The following YEATS2 variants were observed in gnomAD, a reference collection of about 807,000 sequenced individuals.
YEATS2 encodes the protein YEATS domain-containing protein 2.
Under a neutral mutation model 163.2 loss-of-function variants are expected in YEATS2, and 77 were observed. That is an observed-to-expected ratio of 0.47 (90% CI 0.39 to 0.57). The LOEUF is 0.57. Ranked by LOEUF, YEATS2 falls within the 20% of genes least tolerant of loss-of-function variation. The pLI is 0.00. For synonymous variants in YEATS2, 631 were observed against 645.1 expected, an observed-to-expected ratio of 0.98 and a Z score of 0.33; for missense variants, 1,549 against 1,729.8, an observed-to-expected ratio of 0.90 and a Z score of 1.85.
chr3:183,705,639 C>T (rs1036673928), intron 1 of YEATS2, among the ~76,000 whole-genome samples: 1 of 152,018 alleles, frequency 6.6e-6, no homozygotes, highest in African/African-American at 2.4e-5. Flanking sequence ...GCTAAAGAGC[C>T]TTTAAAGATG....
At chr3:183,803,740 GGA>G in intron 26 of YEATS2, 1 of 532,360 alleles carries the variant, frequency 1.9e-6, no homozygotes. Context: ...GAGGGGAGTG[GGA>G]GAGCGCAGGT....
chr3:183,803,267 A>G lies in YEATS2; in HGVS notation c.3514A>G (p.Ser1172Gly), dbSNP rs372710308. 28 of 1,611,766 alleles carry G rather than the reference A, an allele frequency of 1.7e-5. No homozygotes were observed. Among genetic ancestry groups the G allele is most frequent in the African/African-American group, 5.3e-5 (4 of 74,856 alleles). Reference sequence around the variant, plus strand: ...TGTGTGCATTCTAGGTGAAGATGCCAGCTGCTTTTCTGCAAAGTCTGTGGA... The same window carrying G: ...TGTGTGCATTCTAGGTGAAGATGCCGGCTGCTTTTCTGCAAAGTCTGTGGA... ...PLITAKSEDA[S>G]CFSAKSVEQY... Residue 1172 changes from serine (S) to glycine (G), a missense_variant, in exon 26 of 31, where the codon AGC (serine) becomes GGC (glycine). Coordinates refer to ENST00000305135, the MANE Select transcript of YEATS2 (RefSeq NM_018023.5).
intron 4 of YEATS2, among the ~76,000 whole-genome samples, 195 bp downstream of exon 4, chr3:183,718,787 C>G (rs878961514): frequency 6.6e-6 from 1 of 152,166 alleles, no homozygotes; most frequent in South Asian, 2.1e-4. Flanking sequence ...CTCTGCCTCC[C>G]AAGTTCAGGC....
chr3:183,719,056 A>G (rs1716219160), intron 4 of YEATS2, among the ~76,000 whole-genome samples: 2 of 151,870 alleles, frequency 1.3e-5, no homozygotes, highest in Admixed American at 6.6e-5. Context: ...CTGGGAATAT[A>G]CATAGACTAT....
intron 15 of YEATS2, among the ~76,000 whole-genome samples, chr3:183,767,072 C>T (rs944211782): frequency 6.6e-6 from 1 of 152,188 alleles, no homozygotes; most frequent in Non-Finnish European, 1.5e-5. Flanking sequence ...TAATCAGCTG[C>T]AGAGTTTTTC....
chr3:183,797,544 C>CAATA (rs111590921), intron 21 of YEATS2, among the ~76,000 whole-genome samples: 29,968 of 142,776 alleles, frequency 0.21, 3,638 homozygotes, highest in African/African-American at 0.32. Context: ...GTCTCTAACA[C>CAATA]AATAAATAAA....
At chr3:183,698,279 C>T (rs1343252148) in intron 1 of YEATS2, among the ~76,000 whole-genome samples, 1 of 152,210 alleles carries the variant, frequency 6.6e-6, no homozygotes, top group East Asian at 1.9e-4. Context: ...GCCACAGCGG[C>T]CGGAGCTTTT....
chr3:183,730,052 GTTTTTTTTTTT>G lies in YEATS2; in HGVS notation c.812+1226_812+1236del, dbSNP rs869091775. 1.2e-3 allele frequency among the ~76,000 whole-genome samples: 48 copies of G among 41,704 alleles called. 1 individual carries two copies. Among genetic ancestry groups the G allele is most frequent in the Admixed American group, 2.1e-3 (5 of 2,340 alleles). 27.4% of individuals were successfully genotyped at this position (41,704 alleles called of 152,430 possible). On this transcript the variant is annotated intron_variant, in intron 7 of 30. Coordinates refer to ENST00000305135, the MANE Select transcript of YEATS2 (RefSeq NM_018023.5). Reference sequence around the variant, plus strand: ...ATATTAATTGTGTGGTTTTTTGTTTGTTTTTTTTTTTTTTTTTTTTTTTTTTTTTTTTTTTG... The same window carrying G: ...ATATTAATTGTGTGGTTTTTTGTTTGTTTTTTTTTTTTTTTTTTTTTTTTG...
intron 10 of YEATS2, 98 bp downstream of exon 10, chr3:183,752,351 A>G (rs1194731615): frequency 1.1e-5 from 16 of 1,395,804 alleles, no homozygotes; most frequent in Middle Eastern, 4.7e-4. Context: ...TAACTTTGCT[A>G]TAAGTGGACA....
At chr3:183,701,874 C>T (rs941674663) in intron 1 of YEATS2, among the ~76,000 whole-genome samples, 4 of 152,182 alleles carry the variant, frequency 2.6e-5, no homozygotes, top group Non-Finnish European at 4.4e-5. Context: ...ATTACAACCA[C>T]TTAACAGGTT....
At chr3:183,772,125 T>C (rs1722538594) in intron 15 of YEATS2, among the ~76,000 whole-genome samples, 180 bp from the exon 16 acceptor site, 1 of 152,178 alleles carries the variant, frequency 6.6e-6, no homozygotes, top group African/African-American at 2.4e-5. Context: ...GCTTCTATTA[T>C]TGTAATACCC....
chr3:183,783,055 T>C (rs1472746798), intron 19 of YEATS2, among the ~76,000 whole-genome samples: 4 of 152,252 alleles, frequency 2.6e-5, no homozygotes, highest in Admixed American at 6.5e-5. Context: ...CATTGTGGTC[T>C]TTATTTGCAT....
chr3:183,782,834 AT>A (rs1443876572), intron 19 of YEATS2, among the ~76,000 whole-genome samples: 1 of 152,214 alleles, frequency 6.6e-6, no homozygotes, highest in Non-Finnish European at 1.5e-5. Context: ...TGCCATAAAT[AT>A]TCTTACACAG....
chr3:183,749,766 G>T (rs1577107926), intron 9 of YEATS2, among the ~76,000 whole-genome samples: 1 of 152,004 alleles, frequency 6.6e-6, no homozygotes, highest in Non-Finnish European at 1.5e-5. Context: ...AGGTAGCTGG[G>T]ACTGTGGGCG....
intron 2 of YEATS2, among the ~76,000 whole-genome samples, chr3:183,716,484 A>T (rs1181236520): frequency 6.6e-6 from 1 of 152,110 alleles, no homozygotes; most frequent in African/African-American, 2.4e-5. Flanking sequence ...ATAGAAGGAA[A>T]ATTGTTAAAT....
At chr3:183,712,214 T>TTATGTTATGTTATGTTATGTTATGTTACA (rs1715312578) in intron 1 of YEATS2, among the ~76,000 whole-genome samples, 1,668 of 103,124 alleles carry the variant, frequency 0.016, 113 homozygotes, top group African/African-American at 0.059. Context: ...TTTATTTTAT[T>TTATGTTATGTTATGTTATGTTATGTTACA]TTATTTTATT....
At position 183,797,946 on chromosome 3, in the gene YEATS2, C is replaced by A; in HGVS notation, c.3121C>A (p.Gln1041Lys). The A allele has an allele frequency of 5.0e-6, 8 of 1,614,122 alleles. No homozygotes were observed. The highest frequency in any genetic ancestry group is 6.8e-6 in the Non-Finnish European group (8 of 1,180,006). ...AGGACTGTTAAAGATTCACTCCAGT[C>A]AGTCCAGTCCGCAGCAGGCCGTCCT... ...VSGLLKIHSS[Q>K]SSPQQAVLTI... is the part of the protein sequence containing the mutation. The change falls in exon 22 of 31, where the codon CAG becomes AAG. Residue 1041 changes from glutamine to lysine, a missense_variant. Gln to Lys is a moderately conservative substitution (Grantham distance 53). Transcript: ENST00000305135.
rs57413345 is a variant in YEATS2 at position 183,710,291 on chromosome 3, G to A, written c.-19-4853G>A. The stretch of plus-strand genomic sequence containing the variant: ...CAAGTCAGACAAGAAGAGTCCAGAA[G>A]GTAATGTTATCATTGGTCATTTGTT... On this transcript the variant is annotated intron_variant, in intron 1 of 30. Coordinates refer to ENST00000305135, the MANE Select transcript of YEATS2 (RefSeq NM_018023.5). Among the ~76,000 whole-genome samples, 580 of 152,232 alleles carry A rather than the reference G, an allele frequency of 3.8e-3. 4 individuals carry two copies. The highest frequency in any genetic ancestry group is 0.013 in the African/African-American group (556 of 41,524).
intron 15 of YEATS2, among the ~76,000 whole-genome samples, chr3:183,764,323 A>G (rs1353717564): frequency 6.8e-6 from 1 of 147,186 alleles, no homozygotes; most frequent in Non-Finnish European, 1.5e-5. Context: ...GTGAGCTGAG[A>G]TCGCACCATT....
Sources: gnomAD v4.1 joint callset for allele counts (sites outside exome capture counted in the v4.1 genomes callset) on GRCh38, gnomAD v4.1.1 for gene constraint, MANE v1.5 for transcripts, NCBI Gene and HGNC (gene_info 2026-07-23, HGNC 2026-07-21) for gene names.